NTRK3: variants seen among roughly 807,000 people sequenced by gnomAD.
NTRK3 encodes NT-3 growth factor receptor.
Under a neutral mutation model 91.7 loss-of-function variants are expected in NTRK3, and 24 were observed. The ratio of observed to expected loss-of-function variants is 0.26; its 90% CI spans 0.19 to 0.37. The LOEUF (loss-of-function observed/expected upper bound fraction) is 0.37, where lower values mean the gene tolerates loss of function less well. Among genes scored for constraint, NTRK3 ranks in the 10% least tolerant of loss-of-function variants. NTRK3 has a pLI of 1.00. For missense variants in NTRK3, 880 were observed against 1,068.9 expected (o/e 0.82, Z 2.46); for synonymous variants, 483 against 404.0 (o/e 1.20, Z -2.34).
chr15:87,933,815 C>A (rs531705774), intron 15 of NTRK3, among the ~76,000 whole-genome samples: 6 of 152,102 alleles, frequency 3.9e-5, no homozygotes, highest in Admixed American at 1.3e-4. Flanking sequence ...GCGGCAGCTA[C>A]GGGAATGGCA....
intron 13 of NTRK3, among the ~76,000 whole-genome samples, chr15:88,038,631 A>AG (rs1207195324): frequency 3.2e-4 from 49 of 152,176 alleles, no homozygotes; most frequent in African/African-American, 9.2e-4. Flanking sequence ...GTGCATGGGT[A>AG]GGGGCATGGG....
At chr15:87,876,716 AATATATAT>A (rs147238996) in exon 19 of NTRK3, 3 of 193,466 alleles carry the variant, frequency 1.6e-5, no homozygotes, top group Non-Finnish European at 2.0e-5. Flanking sequence ...TAGATATATA[AATATATAT>A]ATATATATAT....
intron 3 of NTRK3, among the ~76,000 whole-genome samples, chr15:88,224,802 G>T (rs73448678): frequency 0.015 from 2,264 of 152,254 alleles, 53 homozygotes; most frequent in African/African-American, 0.05. Flanking sequence ...GTCTTGTTAG[G>T]GAGGCAGCTA....
intron 13 of NTRK3, chr15:88,072,730 A>C (rs1356918598): frequency 4.3e-6 from 1 of 232,850 alleles, no homozygotes; most frequent in Admixed American, 5.6e-5. Context: ...GAAGGCTGAG[A>C]GGTTTGGCAA....
exon 19 of NTRK3, chr15:87,869,777 G>A (rs2064775845): frequency 4.9e-6 from 1 of 202,910 alleles, no homozygotes; most frequent in African/African-American, 2.3e-5. Context: ...TAGGCTCAGA[G>A]GCATCAGTTA....
At chr15:87,934,594 G>A (rs1231185348) in intron 15 of NTRK3, among the ~76,000 whole-genome samples, 1 of 152,092 alleles carries the variant, frequency 6.6e-6, no homozygotes, top group African/African-American at 2.4e-5. Context: ...GTATCTGGGG[G>A]GGTCCATCAA....
intron 3 of NTRK3, among the ~76,000 whole-genome samples, chr15:88,239,055 A>G (rs2052069449): frequency 6.6e-6 from 1 of 152,210 alleles, no homozygotes; most frequent in Non-Finnish European, 1.5e-5. Flanking sequence ...AGTGCTTAAC[A>G]CACAGCAGCT....
intron 5 of NTRK3, among the ~76,000 whole-genome samples, chr15:88,160,539 T>C (rs2044354181): frequency 6.6e-6 from 1 of 151,936 alleles, no homozygotes; most frequent in African/African-American, 2.4e-5. Context: ...TTTTCCAGAG[T>C]AGATCCTGCG....
At chr15:87,997,056 G>A (rs1490032682) in intron 14 of NTRK3, among the ~76,000 whole-genome samples, 1 of 152,188 alleles carries the variant, frequency 6.6e-6, no homozygotes, top group Non-Finnish European at 1.5e-5. Flanking sequence ...GTGTAGTCAA[G>A]GGGAATGTAA....
chr15:88,001,105 T>C (rs1449138806), intron 14 of NTRK3, among the ~76,000 whole-genome samples: 1 of 152,222 alleles, frequency 6.6e-6, no homozygotes, highest in Non-Finnish European at 1.5e-5. Flanking sequence ...CTAATTATAA[T>C]GAGCAACTTT....
rs192095109 is a variant in NTRK3, at chr15:88,026,927, C to T, written c.1585+5930G>A. ...TTCAGAGAGGGGTAATAAGTGCCAA[C>T]AGCCAGACCCAGGTTGGCCCAGCCT... On this transcript the variant is annotated intron_variant, in intron 14 of 18. Coordinates refer to ENST00000394480, the Ensembl canonical transcript of NTRK3. Among the ~76,000 whole-genome samples the T allele has an allele frequency of 8.0e-4, 122 of 152,306 alleles. 1 individual carries two copies. The highest frequency in any genetic ancestry group is 7.8e-3 in the Admixed American group (120 of 15,292).
At position 87,932,968 on chromosome 15, in the gene NTRK3, G is replaced by A. The variant is rs114678588; in HGVS notation, c.1889+44C>T. 2.7e-3 allele frequency: 4,402 copies of A among 1,606,038 alleles called. 9 individuals carry two copies. Among genetic ancestry groups the A allele is most frequent in the Admixed American group, 5.1e-3 (307 of 59,892 alleles). On this transcript the variant is annotated intron_variant, in intron 16 of 18. Transcript: ENST00000394480. ...GCTCCAGGGAAAACCCCAAGGGTTC[G>A]GTGGGACTGGGGTCAGGTGCAGGGG...
intron 5 of NTRK3, among the ~76,000 whole-genome samples, chr15:88,171,051 G>C (rs961391871): frequency 6.6e-6 from 1 of 152,106 alleles, no homozygotes; most frequent in Non-Finnish European, 1.5e-5. Context: ...AAAGCCAAAG[G>C]CAACCACATT....
intron 14 of NTRK3, chr15:87,978,807 C>G (rs1024491007): frequency 4.7e-5 from 11 of 235,570 alleles, no homozygotes; most frequent in African/African-American, 2.2e-4. Flanking sequence ...CTGGCTCCCC[C>G]TCCTCTTACC....
intron 15 of NTRK3, among the ~76,000 whole-genome samples, chr15:87,936,670 G>A (rs758732480): frequency 5.9e-5 from 9 of 151,770 alleles, no homozygotes; most frequent in Non-Finnish European, 1.3e-4. Flanking sequence ...AGTCCTAAGT[G>A]GTAAAACACA....
chr15:88,120,821 T>A (rs1033353142), intron 13 of NTRK3, among the ~76,000 whole-genome samples: 1 of 152,224 alleles, frequency 6.6e-6, no homozygotes, highest in Non-Finnish European at 1.5e-5. Flanking sequence ...AAGTCAAGTA[T>A]GTGGAAAAGC....
chr15:87,911,836 C>G (rs1163941556), intron 17 of NTRK3, among the ~76,000 whole-genome samples: 1 of 152,170 alleles, frequency 6.6e-6, no homozygotes, highest in Admixed American at 6.5e-5. Context: ...ATGTATAGTC[C>G]TAGGTACAAG....
In NTRK3 at chr15:87,944,188, C is replaced by A. The variant is rs57827793; in HGVS notation, c.1586-3435G>T. 5.3e-5 allele frequency among the ~76,000 whole-genome samples: 8 copies of A among 152,198 alleles called. 1 individual carries two copies. ...CTCCAGGAAAGGACTGGTTCCTCATCATGAGGATAAGAAGCTCCACAAGGT... is the reference window on the plus strand; with the variant it reads ...CTCCAGGAAAGGACTGGTTCCTCATAATGAGGATAAGAAGCTCCACAAGGT... On this transcript the variant is annotated intron_variant, in intron 14 of 18. Coordinates refer to ENST00000394480, the Ensembl canonical transcript of NTRK3.
At chr15:88,193,969 T>C (rs1011950623) in intron 3 of NTRK3, among the ~76,000 whole-genome samples, 3 of 152,230 alleles carry the variant, frequency 2.0e-5, no homozygotes, top group African/African-American at 7.2e-5. Flanking sequence ...TTCTCCATCC[T>C]AGTTTGTCTT....
Sources: gnomAD v4.1 joint callset for allele counts (sites outside exome capture counted in the v4.1 genomes callset) on GRCh38, gnomAD v4.1.1 for gene constraint, MANE v1.5 for transcripts, NCBI Gene and HGNC (gene_info 2026-07-23, HGNC 2026-07-21) for gene names.